MAML3: variants seen among roughly 807,000 people sequenced by gnomAD.
The protein encoded by MAML3 is mastermind-like protein 3.
A neutral mutation model predicts 101.9 loss-of-function variants in MAML3; 27 were observed. The ratio of observed to expected loss-of-function variants is 0.27; its 90% CI spans 0.20 to 0.37. MAML3 has a LOEUF of 0.37. Among genes scored for constraint, MAML3 ranks in the 10% least tolerant of loss-of-function variants. The pLI, the probability that MAML3 is intolerant of heterozygous loss-of-function variation, is 1.00. For synonymous variants in MAML3, 501 were observed against 555.9 expected (o/e 0.90, Z 1.39); for missense variants, 1,316 against 1,444.9 (o/e 0.91, Z 1.45).
At position 140,153,482 on chromosome 4, in the gene MAML3, C is replaced by A; in HGVS notation, c.-155G>T. ...GGCGATCCCGACGGGGCGAAAAAAA[C>A]GGGGGGGGAGATTTTGGGGTGGTTT... On this transcript the variant is annotated 5_prime_UTR_variant, in exon 1 of 5. Transcript: ENST00000509479. 2 of 713,958 alleles carry A rather than the reference C, an allele frequency of 2.8e-6. No homozygotes were observed. The highest frequency in any genetic ancestry group is 3.9e-6 in the Non-Finnish European group (2 of 511,584). The allele number at this position is 713,958 out of a possible 1,614,324, so 44.2% of individuals were successfully genotyped here. A position where few individuals can be genotyped will look rare whatever the true frequency, so the allele number is the denominator to read the frequency against.
At chr4:139,789,774 G>C (rs576571189) in intron 2 of MAML3, among the ~76,000 whole-genome samples, 1 of 152,042 alleles carries the variant, frequency 6.6e-6, no homozygotes, top group East Asian at 1.9e-4. Flanking sequence ...GTTGTTTTTT[G>C]TTTGTTTGTT....
chr4:139,753,757 C>T (rs1361172773), intron 2 of MAML3, among the ~76,000 whole-genome samples: 1 of 152,096 alleles, frequency 6.6e-6, no homozygotes, highest in Non-Finnish European at 1.5e-5. Flanking sequence ...TCTGTTTGTC[C>T]ATCTGTGGAT....
intron 1 of MAML3, among the ~76,000 whole-genome samples, chr4:140,106,446 A>G (rs1728352543): frequency 6.6e-6 from 1 of 152,234 alleles, no homozygotes; most frequent in Non-Finnish European, 1.5e-5. Flanking sequence ...ATCCAACAGA[A>G]GCATGCATTT....
chr4:139,865,505 T>TTG (rs1474750826), intron 2 of MAML3, among the ~76,000 whole-genome samples: 1 of 148,638 alleles, frequency 6.7e-6, no homozygotes, highest in African/African-American at 2.5e-5. Context: ...TGTTTTTTTT[T>TTG]TTTTTCATTC....
chr4:139,890,169 G>C lies in MAML3; in HGVS notation c.1267C>G (p.Gln423Glu), dbSNP rs1166052805. The change falls in exon 2 of 5, where the codon CAA becomes GAA. Residue 423 changes from glutamine to glutamate, a missense_variant. Coordinates refer to ENST00000509479, the MANE Select transcript of MAML3 (RefSeq NM_018717.5). The surrounding 1 kb of genome is among the most constrained non-coding windows in gnomAD (Gnocchi z 4.1). ...CAVQSPQTPNQAHTPGQAPPR... is the reference protein window; with the variant it reads ...CAVQSPQTPNEAHTPGQAPPR... Reference sequence around the variant, plus strand: ...GGAGCTTGGCCTGGAGTGTGGGCTTGGTTTGGAGTTTGAGGGGACTGGACA... The same window carrying C: ...GGAGCTTGGCCTGGAGTGTGGGCTTCGTTTGGAGTTTGAGGGGACTGGACA... The C allele has an allele frequency of 6.2e-7, 1 of 1,613,432 alleles. No homozygotes were observed. The highest frequency in any genetic ancestry group is 8.5e-7 in the Non-Finnish European group (1 of 1,179,888).
chr4:139,934,380 G>A (rs1733465850), intron 1 of MAML3, among the ~76,000 whole-genome samples: 1 of 151,960 alleles, frequency 6.6e-6, no homozygotes, highest in African/African-American at 2.4e-5. Context: ...AAAAATAAAA[G>A]GGAAATAAGA....
chr4:140,003,697 T>C (rs543552975), intron 1 of MAML3, among the ~76,000 whole-genome samples: 1 of 152,358 alleles, frequency 6.6e-6, no homozygotes, highest in Admixed American at 6.5e-5. Flanking sequence ...GATACTAACA[T>C]GTGCCTCTGA....
At chr4:140,083,119 T>G (rs1281371579) in intron 1 of MAML3, among the ~76,000 whole-genome samples, 1 of 152,242 alleles carries the variant, frequency 6.6e-6, no homozygotes, top group African/African-American at 2.4e-5. Flanking sequence ...ATTATCTCCA[T>G]TTTATGGAAA....
intron 1 of MAML3, among the ~76,000 whole-genome samples, chr4:140,030,293 T>C (rs1726887792): frequency 6.6e-6 from 1 of 152,164 alleles, no homozygotes; most frequent in South Asian, 2.1e-4. Context: ...TATTTTAAAA[T>C]TACAACCACC....
intron 1 of MAML3, among the ~76,000 whole-genome samples, chr4:140,108,402 C>G (rs1050423445): frequency 4.0e-5 from 6 of 151,700 alleles, no homozygotes; most frequent in African/African-American, 1.5e-4. Flanking sequence ...TGTGAGCTCC[C>G]TGATGGCAAG....
At chr4:139,815,997 A>G (rs1215345348) in intron 2 of MAML3, among the ~76,000 whole-genome samples, 1 of 152,218 alleles carries the variant, frequency 6.6e-6, no homozygotes, top group Non-Finnish European at 1.5e-5. Flanking sequence ...ACATCTGTGC[A>G]TATATTCACC....
chr4:140,075,874 C>T (rs1194914485), intron 1 of MAML3, among the ~76,000 whole-genome samples: 1 of 152,180 alleles, frequency 6.6e-6, no homozygotes, highest in African/African-American at 2.4e-5. Flanking sequence ...GATTCTCCCA[C>T]CTCAGCCTCA....
chr4:139,880,204 C>T (rs1732192706), intron 2 of MAML3, among the ~76,000 whole-genome samples: 1 of 152,002 alleles, frequency 6.6e-6, no homozygotes, highest in African/African-American at 2.4e-5. Context: ...AACAAAAAAC[C>T]TCTTTCTTCT....
intron 1 of MAML3, among the ~76,000 whole-genome samples, chr4:140,072,118 T>C (rs1727666906): frequency 6.6e-6 from 1 of 152,112 alleles, no homozygotes; most frequent in Non-Finnish European, 1.5e-5. Context: ...AGAAAACCAT[T>C]GATAGGTCTC....
intron 1 of MAML3, among the ~76,000 whole-genome samples, chr4:140,112,379 T>C (rs1728452231): frequency 6.6e-6 from 1 of 152,194 alleles, no homozygotes; most frequent in African/African-American, 2.4e-5. Flanking sequence ...TCCATATTTT[T>C]AAAGGTAACA....
At chr4:139,837,122 CAAA>C (rs34871581) in intron 2 of MAML3, among the ~76,000 whole-genome samples, 4,180 of 84,344 alleles carry the variant, frequency 0.05, 76 homozygotes, top group Middle Eastern at 0.1. Context: ...AACTCTGTCT[CAAA>C]AAAAAAAAAA....
At chr4:139,852,061 C>T (rs1254172416) in intron 2 of MAML3, among the ~76,000 whole-genome samples, 1 of 152,126 alleles carries the variant, frequency 6.6e-6, no homozygotes, top group Non-Finnish European at 1.5e-5. Flanking sequence ...ATGTCACAGG[C>T]TAGAGTAAAC....
intron 1 of MAML3, among the ~76,000 whole-genome samples, chr4:139,901,460 T>G (rs1732717313): frequency 6.6e-6 from 1 of 152,232 alleles, no homozygotes; most frequent in African/African-American, 2.4e-5. Context: ...CTTAGGAATA[T>G]CTCCTGATAA....
chr4:139,984,572 T>C (rs1351031708), intron 1 of MAML3, among the ~76,000 whole-genome samples: 1 of 152,214 alleles, frequency 6.6e-6, no homozygotes, highest in East Asian at 1.9e-4. Context: ...CTTTCAAATA[T>C]ACTATTTAGA....
Sources: allele counts gnomAD v4.1 joint callset (sites outside exome capture counted in the v4.1 genomes callset), GRCh38; gene constraint gnomAD v4.1.1; non-coding constraint Gnocchi (gnomAD v3.1); transcripts MANE v1.5; gene names NCBI Gene and HGNC (gene_info 2026-07-23, HGNC 2026-07-21).